ARHGEF10: variants seen among roughly 807,000 people sequenced by gnomAD.
ARHGEF10 encodes the protein Rho guanine nucleotide exchange factor (GEF) 10.
In ARHGEF10, 140 loss-of-function variants were observed where a neutral mutation model predicts 147.4. The observed-to-expected ratio is 0.95, with a 90% CI of 0.83 to 1.09. The LOEUF is 1.09. ARHGEF10 is among the 50% of genes least tolerant of loss of function. ARHGEF10 has a pLI of 0.00. For synonymous variants in ARHGEF10, 902 were observed against 695.8 expected (o/e 1.30, Z -4.67); for missense variants, 2,222 against 1,752.7 (o/e 1.27, Z -4.78).
intron 18 of ARHGEF10, among the ~76,000 whole-genome samples, chr8:1,912,644 C>G (rs1234896157): frequency 7.1e-6 from 1 of 141,256 alleles, no homozygotes. Flanking sequence ...TGATGTGGCA[C>G]TTTCCTCTCT....
At chr8:1,862,967 T>G (rs1806272872) in intron 4 of ARHGEF10, among the ~76,000 whole-genome samples, 1 of 151,718 alleles carries the variant, frequency 6.6e-6, no homozygotes, top group Admixed American at 6.6e-5. Context: ...TTTTTTTTAG[T>G]AGAGACAGGG....
At chr8:1,931,203 C>T (rs1563303502) in intron 25 of ARHGEF10, among the ~76,000 whole-genome samples, 1 of 152,248 alleles carries the variant, frequency 6.6e-6, no homozygotes, top group South Asian at 2.1e-4. Context: ...TGTGTTCCTA[C>T]CACTCTGCAC....
At chr8:1,940,039 A>C (rs2129257467) in intron 26 of ARHGEF10, among the ~76,000 whole-genome samples, 1 of 152,286 alleles carries the variant, frequency 6.6e-6, no homozygotes, top group African/African-American at 2.4e-5. Context: ...AGACGCTTGG[A>C]TACTAGAACA....
chr8:1,850,151 C>T (rs1197288190), intron 2 of ARHGEF10, among the ~76,000 whole-genome samples: 6 of 44,452 alleles, frequency 1.3e-4, no homozygotes, highest in East Asian at 5.3e-4. Context: ...GGGTGTGGGG[C>T]GGCCACGTGG....
chr8:1,901,620 T>A (rs912145395), intron 15 of ARHGEF10, among the ~76,000 whole-genome samples: 6 of 152,252 alleles, frequency 3.9e-5, no homozygotes, highest in Non-Finnish European at 8.8e-5. Context: ...CCTCCTTGGG[T>A]GGCTGCCAGC....
At chr8:1,825,415 C>T (rs1802712068) in intron 1 of ARHGEF10, among the ~76,000 whole-genome samples, 1 of 120,646 alleles carries the variant, frequency 8.3e-6, no homozygotes, top group Non-Finnish European at 1.7e-5. Context: ...CCCTGATCCC[C>T]ACCTGTCCTC....
rs577796733 is a variant in ARHGEF10, at chr8:1,909,460, C to G, written c.2133C>G (p.Asn711Lys). 4.3e-6 allele frequency: 7 copies of G among 1,614,054 alleles called. No homozygotes were observed. The African/African-American group carries it at 9.3e-5, about 22-fold the overall frequency. The change falls in exon 18 of 29, where the codon AAC (asparagine) becomes AAG (lysine). Residue 711 changes from asparagine (N) to lysine (K), a missense_variant. By Grantham distance (94) the Asn-to-Lys change is moderately conservative (BLOSUM62 0). Transcript: ENST00000349830. Reference sequence around the variant, plus strand: ...CGGAGAGCCTGGCCGTGGTTGCTAACGCGAAACCAAGTAAGTGATGCTTTC... The same window carrying G: ...CGGAGAGCCTGGCCGTGGTTGCTAAGGCGAAACCAAGTAAGTGATGCTTTC... Reference protein sequence around the residue: ...HPPESLAVVANAKPNKVYMGP... With the variant: ...HPPESLAVVAKAKPNKVYMGP...
At position 1,876,569 on chromosome 8, in the gene ARHGEF10, A is replaced by C; in HGVS notation, c.680-2A>C. On this transcript the variant is annotated splice_acceptor_variant, in intron 7 of 28. Coordinates refer to ENST00000349830, the MANE Select transcript of ARHGEF10 (RefSeq NM_014629.4). LOFTEE classifies it high-confidence loss of function. ...ATTTCATTTTGGAATTTATGCACTCAGATGAAATGATTTATGATGATGTTG... is the reference window on the plus strand; with the variant it reads ...ATTTCATTTTGGAATTTATGCACTCCGATGAAATGATTTATGATGATGTTG... 2.5e-6 allele frequency: 4 copies of C among 1,614,058 alleles called. No individual in the cohort carries two copies. Among genetic ancestry groups the C allele is most frequent in the Non-Finnish European group, 3.4e-6 (4 of 1,179,854 alleles).
At chr8:1,839,338 TA>T (rs1352268340) in intron 1 of ARHGEF10, among the ~76,000 whole-genome samples, 15 of 130,586 alleles carry the variant, frequency 1.1e-4, no homozygotes, top group African/African-American at 4.1e-4. Flanking sequence ...CTGTCTGGTG[TA>T]GGGACTGTCT....
intron 18 of ARHGEF10, among the ~76,000 whole-genome samples, chr8:1,920,678 G>A (rs561408768): frequency 2.6e-4 from 39 of 152,224 alleles, no homozygotes; most frequent in Middle Eastern, 3.4e-3. Context: ...CAAAGTTTGC[G>A]AATGAAAGCA....
At chr8:1,896,078 C>A (rs537299620) in intron 13 of ARHGEF10, among the ~76,000 whole-genome samples, 2 of 152,080 alleles carry the variant, frequency 1.3e-5, no homozygotes, top group African/African-American at 4.8e-5. Flanking sequence ...TAACTGAAAC[C>A]CAAATTACCA....
intron 1 of ARHGEF10, among the ~76,000 whole-genome samples, chr8:1,836,007 C>T (rs376786289): frequency 2.0e-5 from 3 of 152,086 alleles, no homozygotes; most frequent in East Asian, 1.9e-4. Flanking sequence ...TGGTGAAACC[C>T]CGTCTCTATT....
chr8:1,951,698 A>C (rs935817865), intron 27 of ARHGEF10, among the ~76,000 whole-genome samples: 6 of 152,254 alleles, frequency 3.9e-5, no homozygotes, highest in African/African-American at 9.6e-5. Flanking sequence ...GGAGCAAGCT[A>C]AATGGGCCTA....
chr8:1,886,202 GA>G (rs1339917462), intron 11 of ARHGEF10, among the ~76,000 whole-genome samples: 1 of 152,186 alleles, frequency 6.6e-6, no homozygotes, highest in Non-Finnish European at 1.5e-5. Context: ...GTTTTCATTG[GA>G]TTGTCTTAGG....
intron 11 of ARHGEF10, among the ~76,000 whole-genome samples, chr8:1,887,487 TG>T (rs1808774449): frequency 1.1e-5 from 1 of 90,932 alleles, no homozygotes; most frequent in Admixed American, 1.5e-4. Context: ...AGACACTGAG[TG>T]GGGTGTGAGG....
At chr8:1,926,295 G>C in intron 22 of ARHGEF10, 82 bp from the exon 23 acceptor site, 1 of 1,105,644 alleles carries the variant, frequency 9.0e-7, no homozygotes, top group Non-Finnish European at 1.4e-6. Flanking sequence ...TTGGAAGTAA[G>C]TCATCCATTT....
intron 11 of ARHGEF10, among the ~76,000 whole-genome samples, chr8:1,888,917 G>C (rs1195653893): frequency 1.5e-5 from 2 of 137,220 alleles, no homozygotes; most frequent in Non-Finnish European, 3.0e-5. Context: ...GTTGTGAGGA[G>C]ACAGTGGGGT....
At chr8:1,899,279 A>G (rs980674411) in intron 15 of ARHGEF10, among the ~76,000 whole-genome samples, 1 of 152,218 alleles carries the variant, frequency 6.6e-6, no homozygotes, top group Non-Finnish European at 1.5e-5. Context: ...TATTTAAATG[A>G]ATGCCATGCC....
At chr8:1,951,407 C>T (rs1428361833) in intron 27 of ARHGEF10, among the ~76,000 whole-genome samples, 2 of 152,230 alleles carry the variant, frequency 1.3e-5, no homozygotes, top group Non-Finnish European at 2.9e-5. Flanking sequence ...GGCCAACATT[C>T]AGAATTCCTG....
Sources: allele counts gnomAD v4.1 joint callset (sites outside exome capture counted in the v4.1 genomes callset), GRCh38; gene constraint gnomAD v4.1.1; transcripts MANE v1.5; gene names NCBI Gene and HGNC (gene_info 2026-07-23, HGNC 2026-07-21).